The following MGAT4C variants were observed in gnomAD, a reference collection of about 807,000 sequenced individuals.
MGAT4C encodes alpha-1,3-mannosyl-glycoprotein 4-beta-N-acetylglucosaminyltransferase C.
A neutral mutation model predicts 40.1 loss-of-function variants in MGAT4C; 19 were observed. That is an observed-to-expected ratio of 0.47 (90% CI 0.33 to 0.70). MGAT4C has a LOEUF of 0.70. Ranked by LOEUF, MGAT4C falls within the 30% of genes least tolerant of loss-of-function variation. The pLI is 0.02. For missense variants in MGAT4C, 491 were observed against 563.2 expected (o/e 0.87, Z 1.30); for synonymous variants, 181 against 187.1 (o/e 0.97, Z 0.27).
In MGAT4C at chr12:86,537,114, C is replaced by T. The variant is rs565138801; in HGVS notation, c.-228-101849G>A. On this transcript the variant is annotated intron_variant, in intron 2 of 7. Coordinates refer to the MGAT4C transcript ENST00000548651. ...GAAACCATCACTCTCAGCAAACTAT[C>T]GCAAGGACAAAAAACCAAACACCGC... is the stretch of plus-strand genomic sequence containing the variant. Among the ~76,000 whole-genome samples the T allele has an allele frequency of 4.9e-4, 74 of 151,492 alleles. 1 individual carries two copies. Among genetic ancestry groups the T allele is most frequent in the African/African-American group, 1.7e-3 (71 of 40,980 alleles).
At chr12:86,757,073 G>A (rs1236565779) in intron 1 of MGAT4C, among the ~76,000 whole-genome samples, 2 of 152,060 alleles carry the variant, frequency 1.3e-5, no homozygotes, top group African/African-American at 4.8e-5. Context: ...GCAGGGACAT[G>A]GATGAAGCTG....
intron 1 of MGAT4C, among the ~76,000 whole-genome samples, chr12:86,811,200 T>C (rs1952465089): frequency 6.6e-6 from 1 of 151,422 alleles, no homozygotes. Flanking sequence ...TGATTTCTTT[T>C]CTGGGAGCTT....
intron 1 of MGAT4C, among the ~76,000 whole-genome samples, chr12:86,121,112 T>C (rs891220083): frequency 6.6e-6 from 1 of 152,126 alleles, no homozygotes; most frequent in Non-Finnish European, 1.5e-5. Flanking sequence ...CAAGCTTCAG[T>C]AGCTGATTCA....
At chr12:86,012,206 T>C (rs1888526383) in intron 2 of MGAT4C, among the ~76,000 whole-genome samples, 3 of 152,334 alleles carry the variant, frequency 2.0e-5, no homozygotes, top group South Asian at 4.1e-4. Context: ...CGATACTTTT[T>C]ATTTCTGTTA....
At chr12:86,016,119 C>A (rs948744165) in intron 2 of MGAT4C, 1 of 152,102 alleles carries the variant, frequency 6.6e-6, no homozygotes, top group Admixed American at 6.6e-5. Context: ...GGTAATGGTG[C>A]CCCAAATCTT....
At chr12:86,357,909 G>A (rs1276593788) in intron 3 of MGAT4C, among the ~76,000 whole-genome samples, 2 of 152,092 alleles carry the variant, frequency 1.3e-5, no homozygotes, top group Non-Finnish European at 1.5e-5. Context: ...TATTCTTCAG[G>A]ATATTATCCA....
intron 2 of MGAT4C, among the ~76,000 whole-genome samples, chr12:86,631,512 A>G (rs1322630184): frequency 6.6e-6 from 1 of 152,076 alleles, no homozygotes; most frequent in Non-Finnish European, 1.5e-5. Context: ...CTATACTACA[A>G]GGCTACAGTA....
At chr12:86,443,631 T>A (rs949773677) in intron 2 of MGAT4C, among the ~76,000 whole-genome samples, 1 of 152,220 alleles carries the variant, frequency 6.6e-6, no homozygotes, top group Non-Finnish European at 1.5e-5. Context: ...TCTCGCTGTG[T>A]CACCCAGGCT....
chr12:86,189,155 T>G (rs1889101005), intron 1 of MGAT4C, among the ~76,000 whole-genome samples: 1 of 151,974 alleles, frequency 6.6e-6, no homozygotes, highest in Non-Finnish European at 1.5e-5. Flanking sequence ...CTTTTCCTTT[T>G]GAAAACTAAC....
chr12:86,361,842 G>T (rs1439348859), intron 3 of MGAT4C, among the ~76,000 whole-genome samples: 1 of 152,200 alleles, frequency 6.6e-6, no homozygotes, highest in Non-Finnish European at 1.5e-5. Context: ...AACAACAGGT[G>T]CTGGAGAAAA....
At chr12:86,685,781 C>A (rs1268856675) in intron 2 of MGAT4C, among the ~76,000 whole-genome samples, 1 of 151,678 alleles carries the variant, frequency 6.6e-6, no homozygotes, top group East Asian at 1.9e-4. Context: ...GTATTTTATT[C>A]TCTTTGTAGC....
At chr12:85,998,929 A>C (rs1466150296) in intron 2 of MGAT4C, among the ~76,000 whole-genome samples, 1 of 152,002 alleles carries the variant, frequency 6.6e-6, no homozygotes, top group Admixed American at 6.6e-5. Context: ...CTACCAATTT[A>C]CTGTATTAGT....
At chr12:86,079,039 G>A (rs761163758) in intron 1 of MGAT4C, among the ~76,000 whole-genome samples, 2 of 152,132 alleles carry the variant, frequency 1.3e-5, no homozygotes, top group Non-Finnish European at 2.9e-5. Flanking sequence ...AGCTTAGAAG[G>A]AAGACCACAC....
chr12:86,116,032 A>G (rs1182756254), intron 1 of MGAT4C, among the ~76,000 whole-genome samples: 2 of 152,072 alleles, frequency 1.3e-5, no homozygotes, highest in Non-Finnish European at 1.5e-5. Context: ...AGAATTTGCA[A>G]TAATATTCCA....
At chr12:86,538,608 C>CTT (rs71078909) in intron 2 of MGAT4C, among the ~76,000 whole-genome samples, 3,512 of 138,316 alleles carry the variant, frequency 0.025, 78 homozygotes, top group Admixed American at 0.061. Flanking sequence ...TGTAATACTT[C>CTT]TTTTTTTTTT....
At chr12:86,617,664 G>T (rs541435689) in intron 2 of MGAT4C, among the ~76,000 whole-genome samples, 3 of 149,792 alleles carry the variant, frequency 2.0e-5, no homozygotes, top group Admixed American at 2.0e-4. Context: ...CTCCAGCCTG[G>T]AAGACAGAGC....
At chr12:86,365,471 A>C (rs1955571475) in intron 3 of MGAT4C, among the ~76,000 whole-genome samples, 1 of 152,214 alleles carries the variant, frequency 6.6e-6, no homozygotes, top group Non-Finnish European at 1.5e-5. Flanking sequence ...GGAAATCACA[A>C]GGCTATTGAT....
At chr12:85,981,778 T>C (rs1234801940) in intron 4 of MGAT4C, among the ~76,000 whole-genome samples, 2 of 152,204 alleles carry the variant, frequency 1.3e-5, no homozygotes, top group Non-Finnish European at 2.9e-5. Context: ...TAGTAGGTGA[T>C]GCTGCAACAG....
At chr12:86,066,341 T>C (rs979843856) in intron 1 of MGAT4C, among the ~76,000 whole-genome samples, 3 of 151,894 alleles carry the variant, frequency 2.0e-5, no homozygotes, top group Admixed American at 6.6e-5. Flanking sequence ...AAAACAGCAT[T>C]GTACTGCTAC....
Sources: allele counts gnomAD v4.1 joint callset (sites outside exome capture counted in the v4.1 genomes callset), GRCh38; gene constraint gnomAD v4.1.1; transcripts MANE v1.5; gene names NCBI Gene and HGNC (gene_info 2026-07-23, HGNC 2026-07-21).